PBX3: variants seen among roughly 807,000 people sequenced by gnomAD.
PBX3 encodes the protein PBX homeobox 3, also known as pre-B-cell leukemia transcription factor 3.
Under a neutral mutation model 48.5 loss-of-function variants are expected in PBX3, and 14 were observed. The observed-to-expected ratio is 0.29, with a 90% confidence interval of 0.19 to 0.45. The LOEUF is 0.45. Ranked by LOEUF, PBX3 falls within the 20% of genes least tolerant of loss-of-function variation. The probability of loss-of-function intolerance (pLI) is 1.00; values close to 1 mark genes in which losing one functional copy is unlikely to be tolerated. For synonymous variants in PBX3, 210 were observed against 200.3 expected, an observed-to-expected ratio of 1.05 and a Z score of -0.41; for missense variants, 386 against 546.7, an observed-to-expected ratio of 0.71 and a Z score of 2.93.
At chr9:125,896,614 C>T (rs775981067) in intron 2 of PBX3, among the ~76,000 whole-genome samples, 1 of 151,998 alleles carries the variant, frequency 6.6e-6, no homozygotes, top group Non-Finnish European at 1.5e-5. Context: ...TAGGATGTCT[C>T]AACTGTATAT....
At chr9:125,841,803 G>C (rs1839296716) in intron 2 of PBX3, among the ~76,000 whole-genome samples, 1 of 152,142 alleles carries the variant, frequency 6.6e-6, no homozygotes, top group Admixed American at 6.6e-5. Context: ...AACTGTTCTG[G>C]ATGTTGGAGT....
chr9:125,947,594 A>G lies in PBX3; in HGVS notation c.843+11987A>G, dbSNP rs1842094031. Among the ~76,000 whole-genome samples, 4 of 152,172 alleles carry G rather than the reference A, an allele frequency of 2.6e-5. No homozygotes were observed. The South Asian group carries it at 8.3e-4, about 31-fold the overall frequency. ...TAAAATAAGCAGTCTAAAAGATGGC[A>G]AGGAAAAAAGAGAAAATGCATAGTA... On this transcript the variant is annotated intron_variant, in intron 5 of 8. Transcript: ENST00000373489.
At chr9:125,849,463 A>T (rs1839518374) in intron 2 of PBX3, among the ~76,000 whole-genome samples, 1 of 151,946 alleles carries the variant, frequency 6.6e-6, no homozygotes, top group Admixed American at 6.6e-5. Context: ...ATGTCACAGT[A>T]TTTAACATGC....
Position 125,967,060 on chromosome 9 carries a change from A to G in PBX3, c.*1137A>G, listed in dbSNP as rs1430935090. 4 of 150,604 alleles carry G rather than the reference A, an allele frequency of 2.7e-5. No homozygotes were observed. The highest frequency in any genetic ancestry group is 6.6e-5 in the Admixed American group (1 of 15,106). The allele number at this position is 150,604 out of a possible 1,614,324, so 9.3% of individuals were successfully genotyped here. A position where few individuals can be genotyped will look rare whatever the true frequency, so the allele number is the denominator to read the frequency against. On this transcript the variant is annotated 3_prime_UTR_variant, in exon 9 of 9. Coordinates refer to ENST00000373489, the MANE Select transcript of PBX3 (RefSeq NM_006195.6). ...TTGTAAATACTGAGAAACATTTTGA[A>G]TGTTCTTCATCTTATTACTAATCCA...
intron 5 of PBX3, among the ~76,000 whole-genome samples, chr9:125,950,482 CT>C (rs10623974): frequency 4.3e-4 from 62 of 143,282 alleles, no homozygotes; most frequent in Admixed American, 5.5e-4. Context: ...TTTGCAACTT[CT>C]TTTTTTTTTT....
chr9:125,836,005 G>C (rs933010303), intron 2 of PBX3, among the ~76,000 whole-genome samples: 5 of 152,186 alleles, frequency 3.3e-5, no homozygotes, highest in African/African-American at 1.2e-4. Context: ...ATACATAGTG[G>C]AATGTTATTT....
intron 2 of PBX3, among the ~76,000 whole-genome samples, chr9:125,793,366 A>AATAT (rs1554855765): frequency 0.052 from 5,309 of 101,844 alleles, 183 homozygotes; most frequent in Non-Finnish European, 0.066. Context: ...GGAAAAAAAA[A>AATAT]ATATATATAT....
chr9:125,747,559 G>A lies in PBX3; in HGVS notation c.106G>A (p.Gly36Arg). 1 of 1,606,790 alleles carries A rather than the reference G, an allele frequency of 6.2e-7. No homozygotes were observed. ...ALPPPPHGHE[G>R]ADGDGRKQDI... ...GCCGCCTCCCCCGCACGGCCACGAA[G>A]GGGCGGACGGCGACGGCAGGAAGCA... is the stretch of plus-strand genomic sequence containing the variant. The change falls in exon 1 of 9, where the codon GGG (glycine) becomes AGG (arginine). Residue 36 changes from glycine (G) to arginine (R), a missense_variant. Gly to Arg is a moderately radical substitution (Grantham distance 125, BLOSUM62 -2). This residue lies in a region of PBX3 where 116 missense variants were observed against 98.2 expected (regional missense o/e 1.18). Transcript: ENST00000373489.
chr9:125,748,810 T>G, intron 2 of PBX3, 187 bp downstream of exon 2: 1 of 492,992 alleles, frequency 2.0e-6, no homozygotes, highest in Non-Finnish European at 3.7e-6. Context: ...GTTCTGCTCC[T>G]GGTGTAAAAT....
chr9:125,911,127 T>C (rs1186451002), intron 2 of PBX3, among the ~76,000 whole-genome samples: 1 of 152,236 alleles, frequency 6.6e-6, no homozygotes, highest in Non-Finnish European at 1.5e-5. Context: ...CACCACTGTT[T>C]CCAAATTATA....
chr9:125,938,995 G>GTGTA (rs1241855527), intron 5 of PBX3, among the ~76,000 whole-genome samples: 1 of 151,540 alleles, frequency 6.6e-6, no homozygotes, highest in East Asian at 1.9e-4. Context: ...GTGTGTGTGT[G>GTGTA]TATATAAACA....
intron 2 of PBX3, among the ~76,000 whole-genome samples, chr9:125,798,311 G>T (rs1317571204): frequency 6.6e-6 from 1 of 152,022 alleles, no homozygotes; most frequent in Non-Finnish European, 1.5e-5. Flanking sequence ...TGGTACATTT[G>T]TCTATAATTA....
intron 2 of PBX3, among the ~76,000 whole-genome samples, chr9:125,783,358 G>C (rs769611425): frequency 6.6e-6 from 1 of 152,074 alleles, no homozygotes; most frequent in Non-Finnish European, 1.5e-5. Flanking sequence ...CACGATCTCA[G>C]CTCACTGCAA....
chr9:125,780,848 T>C (rs1837269614), intron 2 of PBX3, among the ~76,000 whole-genome samples: 1 of 140,986 alleles, frequency 7.1e-6, no homozygotes, highest in Non-Finnish European at 1.5e-5. Context: ...ACGGGGTGGC[T>C]GCCGGGCAGA....
At chr9:125,926,607 A>G (rs1841583069) in intron 3 of PBX3, among the ~76,000 whole-genome samples, 1 of 152,036 alleles carries the variant, frequency 6.6e-6, no homozygotes, top group Admixed American at 6.5e-5. Context: ...ACTTGAGGTC[A>G]GGAGTTCGAG....
intron 2 of PBX3, among the ~76,000 whole-genome samples, chr9:125,788,599 A>G (rs1288519065): frequency 2.6e-5 from 4 of 152,094 alleles, no homozygotes; most frequent in Non-Finnish European, 4.4e-5. Context: ...TGGGCCGGGC[A>G]TGGTGGCTTA....
At chr9:125,760,424 A>C (rs1339497) in intron 2 of PBX3, among the ~76,000 whole-genome samples, 4,063 of 152,036 alleles carry the variant, frequency 0.027, 208 homozygotes, top group African/African-American at 0.092. Context: ...GAGACATAGG[A>C]GAAGAAAAGA....
chr9:125,928,039 C>T (rs1268386272), intron 3 of PBX3, among the ~76,000 whole-genome samples: 3 of 151,644 alleles, frequency 2.0e-5, no homozygotes, highest in African/African-American at 7.3e-5. Flanking sequence ...AGAAATTAGC[C>T]GGGCGTGGCG....
intron 2 of PBX3, among the ~76,000 whole-genome samples, chr9:125,822,571 C>T (rs1838684488): frequency 6.6e-6 from 1 of 152,022 alleles, no homozygotes; most frequent in South Asian, 2.1e-4. Context: ...TACGTTGAAA[C>T]CTGAAATTTC....
Sources: gnomAD v4.1 joint callset for allele counts (sites outside exome capture counted in the v4.1 genomes callset) on GRCh38, gnomAD v4.1.1 for gene constraint, gnomAD v4.1.1 regional missense constraint, MANE v1.5 for transcripts, NCBI Gene and HGNC (gene_info 2026-07-23, HGNC 2026-07-21) for gene names.